Variants in SPICE1 observed in about 807,000 individuals in gnomAD.
SPICE1 encodes spindle and centriole-associated protein 1.
A neutral mutation model predicts 102.7 loss-of-function variants in SPICE1; 75 were observed. The observed-to-expected ratio is 0.73, with a 90% CI of 0.61 to 0.88. The LOEUF (loss-of-function observed/expected upper bound fraction) is 0.88, where lower values mean the gene tolerates loss of function less well. Among genes scored for constraint, SPICE1 ranks in the 40% least tolerant of loss-of-function variants. The pLI, the probability that SPICE1 is intolerant of heterozygous loss-of-function variation, is 0.00. For synonymous variants in SPICE1, 308 were observed against 350.3 expected, an observed-to-expected ratio of 0.88 and a Z score of 1.35; for missense variants, 979 against 1,020.1, an observed-to-expected ratio of 0.96 and a Z score of 0.55.
intron 7 of SPICE1, among the ~76,000 whole-genome samples, chr3:113,488,201 T>A (rs1936688073): frequency 6.6e-6 from 1 of 152,238 alleles, no homozygotes; most frequent in Non-Finnish European, 1.5e-5. Context: ...ATCATTGTAC[T>A]GTGATTTTAT....
intron 16 of SPICE1, among the ~76,000 whole-genome samples, chr3:113,447,258 A>G (rs1043006878): frequency 1.3e-5 from 2 of 152,176 alleles, no homozygotes; most frequent in African/African-American, 4.8e-5. Context: ...AGGTTTATGG[A>G]AAGATGAGTG....
intron 4 of SPICE1, chr3:113,498,920 C>T (rs528191128): frequency 6.6e-6 from 1 of 152,382 alleles, no homozygotes; most frequent in South Asian, 2.1e-4. Context: ...AGACAAGTTG[C>T]TTATTACTCA....
At chr3:113,496,645 G>C (rs1246002500) in intron 4 of SPICE1, among the ~76,000 whole-genome samples, 1 of 152,126 alleles carries the variant, frequency 6.6e-6, no homozygotes, top group Admixed American at 6.5e-5. Context: ...AGATTATGCT[G>C]GCCAAAGAGC....
intron 12 of SPICE1, among the ~76,000 whole-genome samples, chr3:113,457,866 C>A (rs1057317983): frequency 6.6e-6 from 1 of 152,064 alleles, no homozygotes; most frequent in Non-Finnish European, 1.5e-5. Flanking sequence ...ACCATGCTGC[C>A]TAGGCTGGTA....
In SPICE1 at chr3:113,483,067, G is replaced by A. The variant is rs545283172; in HGVS notation, c.611+5878C>T. 5.9e-5 allele frequency among the ~76,000 whole-genome samples: 9 copies of A among 151,930 alleles called. 1 individual carries two copies. Among genetic ancestry groups the A allele is most frequent in the South Asian group, 2.1e-4 (1 of 4,812 alleles). ...GAATGTTTTTCCATTTGTTTGTGTC[G>A]TCTCTTATTTCCTTGAGCAGTGGCT... On this transcript the variant is annotated intron_variant, in intron 7 of 17. Transcript: ENST00000295872.
intron 6 of SPICE1, 142 bp from the exon 7 acceptor site, chr3:113,489,205 T>C (rs1411488036): frequency 1.3e-5 from 8 of 602,880 alleles, no homozygotes; most frequent in African/African-American, 3.7e-5. Flanking sequence ...TCTCACATCC[T>C]TCCACTACTA....
chr3:113,469,560 ATAT>A (rs1936148867), intron 7 of SPICE1, among the ~76,000 whole-genome samples: 1 of 147,794 alleles, frequency 6.8e-6, no homozygotes, highest in Admixed American at 6.8e-5. Context: ...ATTTATATGT[ATAT>A]TATATTAATT....
intron 7 of SPICE1, among the ~76,000 whole-genome samples, chr3:113,486,379 T>C (rs1042757199): frequency 1.3e-5 from 2 of 149,488 alleles, no homozygotes. Context: ...GATAGAGACA[T>C]GAAAAACCCT....
chr3:113,510,118 GACA>G (rs778612988), intron 1 of SPICE1, among the ~76,000 whole-genome samples: 84 of 152,152 alleles, frequency 5.5e-4, no homozygotes, highest in Non-Finnish European at 1.2e-3. Flanking sequence ...TGATGTCAGT[GACA>G]ACAATTAACC....
At chr3:113,481,568 C>T (rs115517410) in intron 7 of SPICE1, among the ~76,000 whole-genome samples, 20 of 152,038 alleles carry the variant, frequency 1.3e-4, no homozygotes, top group African/African-American at 4.1e-4. Context: ...CTCCCCTAGC[C>T]CCCCCAACCC....
intron 1 of SPICE1, among the ~76,000 whole-genome samples, chr3:113,512,530 T>G (rs1576654103): frequency 6.7e-6 from 1 of 148,206 alleles, no homozygotes; most frequent in East Asian, 2.1e-4. Flanking sequence ...TCCCTCAGCC[T>G]CCTGAATAGC....
intron 14 of SPICE1, among the ~76,000 whole-genome samples, chr3:113,451,408 C>T (rs1055604570): frequency 6.6e-6 from 1 of 151,836 alleles, no homozygotes; most frequent in Non-Finnish European, 1.5e-5. Flanking sequence ...TTTCATTTCT[C>T]TTTGGAAAAA....
chr3:113,509,838 T>C (rs1288364756), intron 1 of SPICE1, among the ~76,000 whole-genome samples: 1 of 152,190 alleles, frequency 6.6e-6, no homozygotes, highest in Non-Finnish European at 1.5e-5. Flanking sequence ...TTCATGATAG[T>C]GAATTCTCAT....
intron 6 of SPICE1, among the ~76,000 whole-genome samples, chr3:113,490,457 C>A (rs116746058): frequency 2.0e-5 from 3 of 151,974 alleles, no homozygotes; most frequent in Non-Finnish European, 2.9e-5. Context: ...GCTTGGGCAA[C>A]GTGGCAAAAC....
chr3:113,493,007 A>G (rs1288533390), intron 6 of SPICE1, among the ~76,000 whole-genome samples, 199 bp downstream of exon 6: 1 of 152,240 alleles, frequency 6.6e-6, no homozygotes, highest in Non-Finnish European at 1.5e-5. Flanking sequence ...GTAAGCACTC[A>G]GTAAATTTTA....
chr3:113,456,668 T>G (rs564628911), intron 13 of SPICE1, among the ~76,000 whole-genome samples: 1 of 152,320 alleles, frequency 6.6e-6, no homozygotes, highest in South Asian at 2.1e-4. Flanking sequence ...TATTATAAAA[T>G]TGCCTCAACT....
rs758156397 is a variant in SPICE1 at position 113,453,899 on chromosome 3, A to G, written c.1709T>C (p.Val570Ala). ...TRPAPRLPPT[V>A]EIIEKEQNWE... is the part of the protein sequence containing the mutation. ...ATTTTGTTCCTTCTCAATTATTTCCACAGTTGGAGGAAGTCGTGGAGCAGG... is the reference window on the plus strand; with the variant it reads ...ATTTTGTTCCTTCTCAATTATTTCCGCAGTTGGAGGAAGTCGTGGAGCAGG... Residue 570 changes from valine to alanine, a missense_variant, in exon 14 of 18, where the codon GTG becomes GCG. By Grantham distance (64) the Val-to-Ala change is moderately conservative. Coordinates refer to ENST00000295872, the MANE Select transcript of SPICE1 (RefSeq NM_144718.4). 1.2e-6 allele frequency: 2 copies of G among 1,613,962 alleles called. No individual in the cohort carries two copies. Among genetic ancestry groups the G allele is most frequent in the Middle Eastern group, 1.6e-4 (1 of 6,084 alleles).
intron 4 of SPICE1, among the ~76,000 whole-genome samples, chr3:113,495,988 G>A (rs1053738375): frequency 6.6e-6 from 1 of 151,352 alleles, no homozygotes; most frequent in African/African-American, 2.4e-5. Context: ...TGTGGCTCAG[G>A]ATGGCTTTGA....
At chr3:113,464,063 G>A (rs1351371496) in intron 11 of SPICE1, among the ~76,000 whole-genome samples, 18 of 150,020 alleles carry the variant, frequency 1.2e-4, no homozygotes, top group Non-Finnish European at 2.7e-4. Flanking sequence ...GTGGGACTCC[G>A]TCTCAAAAAA....
Sources: gnomAD v4.1 joint callset for allele counts (sites outside exome capture counted in the v4.1 genomes callset) on GRCh38, gnomAD v4.1.1 for gene constraint, MANE v1.5 for transcripts, NCBI Gene and HGNC (gene_info 2026-07-23, HGNC 2026-07-21) for gene names.